The following SEC24A variants were observed in gnomAD, a reference collection of about 807,000 sequenced individuals.
SEC24A encodes the protein protein transport protein Sec24A.
A neutral mutation model predicts 129.4 loss-of-function variants in SEC24A; 93 were observed. The ratio of observed to expected loss-of-function variants is 0.72; its 90% confidence interval spans 0.61 to 0.85. SEC24A has a LOEUF of 0.85. Ranked by LOEUF, SEC24A falls within the 40% of genes least tolerant of loss-of-function variation. The pLI is 0.00. For synonymous variants in SEC24A, 460 were observed against 467.3 expected (o/e 0.98, Z 0.20); for missense variants, 1,264 against 1,307.4 (o/e 0.97, Z 0.51).
intron 16 of SEC24A, among the ~76,000 whole-genome samples, chr5:134,705,077 TATATA>T (rs2150105719): frequency 7.9e-6 from 1 of 126,592 alleles, no homozygotes; most frequent in African/African-American, 3.3e-5. Context: ...TATTTATATA[TATATA>T]TATATATATT....
chr5:134,697,030 T>G, intron 13 of SEC24A, 96 bp from the exon 14 acceptor site: 1 of 664,010 alleles, frequency 1.5e-6, no homozygotes, highest in Admixed American at 2.6e-5. Context: ...ATAATTGCAA[T>G]TGTTGTTAAC....
At chr5:134,707,675 A>ATTG (rs1270676936) in intron 17 of SEC24A, among the ~76,000 whole-genome samples, 3 of 152,028 alleles carry the variant, frequency 2.0e-5, no homozygotes, top group African/African-American at 7.3e-5. Context: ...GATTATTATT[A>ATTG]TTATTGACAG....
At position 134,720,992 on chromosome 5, in the gene SEC24A, C is replaced by T; in HGVS notation, c.2971-6C>T. The T allele has an allele frequency of 6.4e-7, 1 of 1,569,028 alleles. No individual in the cohort carries two copies. Among genetic ancestry groups the T allele is most frequent in the East Asian group, 2.2e-5 (1 of 44,610 alleles). On this transcript the variant is annotated splice_region_variant and splice_polypyrimidine_tract_variant and intron_variant, in intron 20 of 22. Coordinates refer to ENST00000398844, the MANE Select transcript of SEC24A (RefSeq NM_021982.3). ...CATCTCAAAATAATTTTATTCCTGT[C>T]CCTAGGTACTGATGCTTTGGGTTGG... is the stretch of plus-strand genomic sequence containing the variant.
chr5:134,704,666 A>AGT (rs1752099002), intron 16 of SEC24A, among the ~76,000 whole-genome samples: 1 of 151,924 alleles, frequency 6.6e-6, no homozygotes, highest in Non-Finnish European at 1.5e-5. Context: ...AGCCAGGTAT[A>AGT]GTGGCACACA....
intron 1 of SEC24A, among the ~76,000 whole-genome samples, chr5:134,658,055 G>T (rs1307074508): frequency 6.6e-6 from 1 of 152,124 alleles, no homozygotes; most frequent in African/African-American, 2.4e-5. Context: ...GATCACTTGA[G>T]GTCAGAAGTT....
At chr5:134,674,501 C>A in intron 4 of SEC24A, 114 bp from the exon 5 acceptor site, 1 of 879,262 alleles carries the variant, frequency 1.1e-6, no homozygotes, top group South Asian at 1.9e-5. Context: ...TGCACCACTG[C>A]ACTGCAGCCT....
chr5:134,710,911 G>A (rs887548810), intron 18 of SEC24A, among the ~76,000 whole-genome samples: 20 of 152,306 alleles, frequency 1.3e-4, no homozygotes, highest in South Asian at 2.1e-4. Context: ...CAAGGCGGGC[G>A]GATCACTTAA....
At chr5:134,693,571 G>A in intron 12 of SEC24A, 156 bp from the exon 13 acceptor site, 2 of 1,432,382 alleles carry the variant, frequency 1.4e-6, no homozygotes, top group Non-Finnish European at 1.8e-6. Flanking sequence ...GACTTAAAAT[G>A]GCTTTCTTGT....
At chr5:134,658,995 T>G (rs1278250789) in intron 1 of SEC24A, among the ~76,000 whole-genome samples, 1 of 152,110 alleles carries the variant, frequency 6.6e-6, no homozygotes, top group African/African-American at 2.4e-5. Flanking sequence ...AAAATAATTT[T>G]TATGCCATAG....
At chr5:134,677,762 G>A (rs569938111) in intron 7 of SEC24A, among the ~76,000 whole-genome samples, 15 of 151,732 alleles carry the variant, frequency 9.9e-5, no homozygotes, top group South Asian at 8.3e-4. Flanking sequence ...GCTTGAACCC[G>A]GGAGGTGGAG....
chr5:134,718,426 A>G (rs1752539445), intron 20 of SEC24A, among the ~76,000 whole-genome samples: 1 of 152,122 alleles, frequency 6.6e-6, no homozygotes, highest in African/African-American at 2.4e-5. Context: ...TTGCTTTGGA[A>G]TGTACTCCTA....
At chr5:134,649,987 T>A (rs1019196227) in intron 1 of SEC24A, among the ~76,000 whole-genome samples, 4 of 152,242 alleles carry the variant, frequency 2.6e-5, no homozygotes, top group Non-Finnish European at 2.9e-5. Context: ...ATCTTTGGTT[T>A]ACAGAAATAA....
intron 2 of SEC24A, among the ~76,000 whole-genome samples, chr5:134,665,032 T>G (rs1290838647): frequency 6.6e-6 from 1 of 151,304 alleles, no homozygotes; most frequent in Non-Finnish European, 1.5e-5. Context: ...ACTCCTGACC[T>G]TGTGATCCAC....
chr5:134,674,394 G>A (rs889928478), intron 4 of SEC24A, among the ~76,000 whole-genome samples: 1 of 151,952 alleles, frequency 6.6e-6, no homozygotes, highest in Non-Finnish European at 1.5e-5. Context: ...AACATTAGCC[G>A]GGCATGATGG....
intron 7 of SEC24A, among the ~76,000 whole-genome samples, chr5:134,677,468 ATT>A (rs370010622): frequency 1.2e-4 from 16 of 132,054 alleles, no homozygotes; most frequent in Admixed American, 2.3e-4. Context: ...GCCTGTATTG[ATT>A]TTTTTTTTTT....
intron 15 of SEC24A, among the ~76,000 whole-genome samples, chr5:134,702,306 T>C: frequency 6.6e-6 from 1 of 152,254 alleles, no homozygotes. Flanking sequence ...CATGCCACCA[T>C]GCCCAGCATT....
intron 12 of SEC24A, chr5:134,693,274 T>C (rs1342547290): frequency 7.0e-7 from 1 of 1,419,902 alleles, no homozygotes; most frequent in African/African-American, 1.4e-5. Context: ...CAACCTAACC[T>C]GTAAAGGTAG....
intron 15 of SEC24A, among the ~76,000 whole-genome samples, chr5:134,703,386 A>G (rs534704511): frequency 1.3e-5 from 2 of 150,842 alleles, no homozygotes; most frequent in African/African-American, 4.9e-5. Context: ...TCCTGCCTCA[A>G]CCTCCTGAGT....
chr5:134,676,253 C>T (rs1200896755), intron 7 of SEC24A, 128 bp downstream of exon 7: 4 of 583,964 alleles, frequency 6.8e-6, no homozygotes, highest in African/African-American at 5.8e-5. Context: ...GATTTTCCTG[C>T]CTCAGCCTCC....
Sources: gnomAD v4.1 joint callset for allele counts (sites outside exome capture counted in the v4.1 genomes callset) on GRCh38, gnomAD v4.1.1 for gene constraint, MANE v1.5 for transcripts, NCBI Gene and HGNC (gene_info 2026-07-23, HGNC 2026-07-21) for gene names.